Variants in KIF26B observed in about 807,000 individuals in gnomAD.
KIF26B encodes kinesin-like protein KIF26B.
In KIF26B, 63 loss-of-function variants were observed where a neutral mutation model predicts 151.2. The ratio of observed to expected loss-of-function variants is 0.42; its 90% CI spans 0.34 to 0.51. The LOEUF (loss-of-function observed/expected upper bound fraction) is 0.51, where lower values mean the gene tolerates loss of function less well. Ranked by LOEUF, KIF26B falls within the 20% of genes least tolerant of loss-of-function variation. KIF26B has a pLI of 0.07. For missense variants in KIF26B, 2,813 were observed against 2,913.6 expected, an observed-to-expected ratio of 0.97 and a Z score of 0.79; for synonymous variants, 1,357 against 1,262.1, an observed-to-expected ratio of 1.08 and a Z score of -1.59.
chr1:245,641,617 G>A (rs562398466), intron 9 of KIF26B, among the ~76,000 whole-genome samples: 8 of 151,696 alleles, frequency 5.3e-5, no homozygotes, highest in South Asian at 2.1e-4. Flanking sequence ...CCTCTGATAC[G>A]CTCTATTGCA....
At chr1:245,450,158 A>G (rs529533639) in intron 4 of KIF26B, among the ~76,000 whole-genome samples, 1 of 152,286 alleles carries the variant, frequency 6.6e-6, no homozygotes, top group South Asian at 2.1e-4. Flanking sequence ...TGCAGCAACC[A>G]ACTGTTGCCT....
At chr1:245,577,688 A>G (rs1445954406) in intron 5 of KIF26B, among the ~76,000 whole-genome samples, 17 of 140,256 alleles carry the variant, frequency 1.2e-4, no homozygotes, top group East Asian at 6.6e-4. Flanking sequence ...GCTTTGTGGA[A>G]CTCCGGGCGA....
rs144552863 is a variant in KIF26B, at chr1:245,238,204, C to T, written c.465+81521C>T. Among the ~76,000 whole-genome samples, 843 of 152,170 alleles carry T rather than the reference C, an allele frequency of 5.5e-3. 9 individuals are homozygous for T. The highest frequency in any genetic ancestry group is 0.019 in the African/African-American group (786 of 41,516). On this transcript the variant is annotated intron_variant, in intron 2 of 14. Transcript: ENST00000407071. ...TACAAAAATTAGCTGGGCATGGTGGCAGGCACATGTAATCCCAACTACTCA... is the reference window on the plus strand; with the variant it reads ...TACAAAAATTAGCTGGGCATGGTGGTAGGCACATGTAATCCCAACTACTCA...
chr1:245,307,409 T>A (rs753450546), intron 2 of KIF26B, among the ~76,000 whole-genome samples: 3 of 97,858 alleles, frequency 3.1e-5, no homozygotes, highest in Non-Finnish European at 4.3e-5. Flanking sequence ...GCCCCAGAGA[T>A]TTTTTTTTGT....
At chr1:245,526,275 G>A (rs1417158570) in intron 4 of KIF26B, among the ~76,000 whole-genome samples, 5 of 152,124 alleles carry the variant, frequency 3.3e-5, no homozygotes, top group Admixed American at 6.5e-5. Flanking sequence ...GTAACCTGAC[G>A]GTAGCATAGA....
At chr1:245,689,215 C>T (rs1247315176) in intron 12 of KIF26B, among the ~76,000 whole-genome samples, 1 of 152,254 alleles carries the variant, frequency 6.6e-6, no homozygotes, top group African/African-American at 2.4e-5. Context: ...CTTCGCCGTC[C>T]ATTCCCTCAC....
rs1164794015 is a variant in KIF26B, at chr1:245,465,031, T to C, written c.1166+45286T>C. 3.7e-4 allele frequency among the ~76,000 whole-genome samples: 51 copies of C among 136,586 alleles called. 1 individual carries two copies. Among genetic ancestry groups the C allele is most frequent in the African/African-American group, 1.1e-3 (41 of 35,882 alleles). 89.6% of individuals were successfully genotyped at this position (136,586 alleles called of 152,430 possible). On this transcript the variant is annotated intron_variant, in intron 4 of 14. Transcript: ENST00000407071. ...TCTCACTCTGTCGCCCAGGCTGGAG[T>C]GCAGGGGCGCGATCTCGGCTCACTG...
At chr1:245,161,032 A>G (rs1297990775) in intron 2 of KIF26B, among the ~76,000 whole-genome samples, 4 of 152,254 alleles carry the variant, frequency 2.6e-5, no homozygotes, top group East Asian at 3.8e-4. Context: ...ATTAATTATA[A>G]GGGACTTCTA....
chr1:245,560,575 C>T lies in KIF26B; in HGVS notation c.1350+19625C>T, dbSNP rs1207482019. On this transcript the variant is annotated intron_variant, in intron 5 of 14. Transcript: ENST00000407071. The surrounding 1 kb of genome is among the most constrained non-coding windows in gnomAD (Gnocchi z 4.3). Reference sequence around the variant, plus strand: ...AGCGGGAACTTGGCTTTTGTGTTGCCTTCACAGAGTGTGGAGGTTGAAAAC... The same window carrying T: ...AGCGGGAACTTGGCTTTTGTGTTGCTTTCACAGAGTGTGGAGGTTGAAAAC... 6.6e-6 allele frequency among the ~76,000 whole-genome samples: 1 copy of T among 152,174 alleles called. No individual in the cohort carries two copies. The highest frequency in any genetic ancestry group is 1.5e-5 in the Non-Finnish European group (1 of 68,028).
chr1:245,300,746 C>T (rs941381266), intron 2 of KIF26B, among the ~76,000 whole-genome samples: 1 of 150,994 alleles, frequency 6.6e-6, no homozygotes, highest in Non-Finnish European at 1.5e-5. Flanking sequence ...CCAGGCTGGT[C>T]TCGAGCTCCT....
At chr1:245,677,027 C>T (rs1224565285) in intron 10 of KIF26B, among the ~76,000 whole-genome samples, 3 of 152,208 alleles carry the variant, frequency 2.0e-5, no homozygotes, top group East Asian at 1.9e-4. Flanking sequence ...ATGCTGCTTG[C>T]ACCTCAGGGT....
At position 245,318,752 on chromosome 1, in the gene KIF26B, C is replaced by T. The variant is rs1351711935; in HGVS notation, c.466-48082C>T. Among the ~76,000 whole-genome samples the T allele has an allele frequency of 6.6e-6, 1 of 151,984 alleles. No individual in the cohort carries two copies. Among genetic ancestry groups the T allele is most frequent in the Non-Finnish European group, 1.5e-5 (1 of 68,010 alleles). ...CCCAGGCTGCTGTGTGTCCGTCATC[C>T]CTGAAATTTCATGAGGCCAGAGTAG... On this transcript the variant is annotated intron_variant, in intron 2 of 14. Transcript: ENST00000407071. The surrounding 1 kb of genome is among the most constrained non-coding windows in gnomAD (Gnocchi z 4.0).
At chr1:245,539,612 C>T (rs918960289) in intron 4 of KIF26B, among the ~76,000 whole-genome samples, 1 of 152,096 alleles carries the variant, frequency 6.6e-6, no homozygotes, top group Middle Eastern at 3.2e-3. Flanking sequence ...TGCCCCTTCC[C>T]CTGTTTTCTT....
chr1:245,261,287 A>T (rs1406177217), intron 2 of KIF26B, among the ~76,000 whole-genome samples: 1 of 151,876 alleles, frequency 6.6e-6, no homozygotes, highest in East Asian at 1.9e-4. Flanking sequence ...CTGGGATTAC[A>T]GGCCTGGCTA....
In KIF26B at chr1:245,620,788, A is replaced by T. The variant is rs185625910; in HGVS notation, c.2098+8812A>T. 2.3e-3 allele frequency among the ~76,000 whole-genome samples: 355 copies of T among 152,270 alleles called. 1 individual carries two copies. Among genetic ancestry groups the T allele is most frequent in the Admixed American group, 4.7e-3 (72 of 15,292 alleles). ...TTAACTCTCTTTACAAAATCATTTC[A>T]TTGGCTTATACAGTATTTTATGTTT... is the stretch of plus-strand genomic sequence containing the variant. On this transcript the variant is annotated intron_variant, in intron 9 of 14. Coordinates refer to ENST00000407071, the MANE Select transcript of KIF26B (RefSeq NM_018012.4).
rs111850185 is a variant in KIF26B, at chr1:245,620,037, C to G, written c.2098+8061C>G. Among the ~76,000 whole-genome samples, 748 of 152,116 alleles carry G rather than the reference C, an allele frequency of 4.9e-3. 4 individuals are homozygous for G. Among genetic ancestry groups the G allele is most frequent in the African/African-American group, 0.017 (715 of 41,490 alleles). On this transcript the variant is annotated intron_variant, in intron 9 of 14. Coordinates refer to ENST00000407071, the MANE Select transcript of KIF26B (RefSeq NM_018012.4). Reference sequence around the variant, plus strand: ...AGCAGATGGTATTAGGTCAGAGAAGCCTCACAACGCAACAGAGTCAGGAGG... The same window carrying G: ...AGCAGATGGTATTAGGTCAGAGAAGGCTCACAACGCAACAGAGTCAGGAGG...
At chr1:245,438,984 C>A (rs534945240) in intron 4 of KIF26B, among the ~76,000 whole-genome samples, 19 of 152,114 alleles carry the variant, frequency 1.2e-4, no homozygotes, top group Non-Finnish European at 2.6e-4. Flanking sequence ...GATGATTTCA[C>A]AGGTGGATAC....
At chr1:245,176,368 A>G (rs1573689652) in intron 2 of KIF26B, among the ~76,000 whole-genome samples, 1 of 152,222 alleles carries the variant, frequency 6.6e-6, no homozygotes, top group East Asian at 1.9e-4. Context: ...TATGAAGGTC[A>G]TACTGGAAGT....
intron 2 of KIF26B, among the ~76,000 whole-genome samples, chr1:245,279,907 CA>C (rs1671008870): frequency 6.6e-6 from 1 of 152,020 alleles, no homozygotes; most frequent in African/African-American, 2.4e-5. Flanking sequence ...TCTTTAGCTT[CA>C]TTGATTTGGC....
Sources: gnomAD v4.1 joint callset for allele counts (sites outside exome capture counted in the v4.1 genomes callset) on GRCh38, gnomAD v4.1.1 for gene constraint, Gnocchi (gnomAD v3.1) non-coding constraint, MANE v1.5 for transcripts, NCBI Gene and HGNC (gene_info 2026-07-23, HGNC 2026-07-21) for gene names.